GPATCH2: variants seen among roughly 807,000 people sequenced by gnomAD.
GPATCH2 encodes G-patch domain containing 2.
Under a neutral mutation model 58.0 loss-of-function variants are expected in GPATCH2, and 51 were observed. That is an observed-to-expected ratio of 0.88 (90% CI 0.70 to 1.11). The LOEUF is 1.11. Ranked by LOEUF, GPATCH2 falls within the 50% of genes most tolerant of loss-of-function variation. The pLI is 0.00. For synonymous variants in GPATCH2, 222 were observed against 218.5 expected (o/e 1.02, Z -0.14); for missense variants, 625 against 652.2 (o/e 0.96, Z 0.45).
intron 5 of GPATCH2, among the ~76,000 whole-genome samples, chr1:217,536,791 A>G (rs1034340862): frequency 6.6e-6 from 1 of 152,184 alleles, no homozygotes; most frequent in South Asian, 2.1e-4. Context: ...CCTGACCAAC[A>G]TGGTGAAAAC....
rs895023993 is a variant in GPATCH2 at position 217,429,846 on chromosome 1, A to G, written c.*1299T>C. On this transcript the variant is annotated 3_prime_UTR_variant, in exon 10 of 10. Coordinates refer to ENST00000366935, the MANE Select transcript of GPATCH2 (RefSeq NM_018040.5). ...CTGTCAAAAAAAAAAAAAAAAAAAA[A>G]GAAACAAAAAAACTCTTTTGGAAAG... The G allele has an allele frequency of 6.9e-6, 1 of 145,876 alleles. No individual in the cohort carries two copies. 9.0% of individuals were successfully genotyped at this position (145,876 alleles called of 1,614,324 possible). A position where few individuals can be genotyped will look rare whatever the true frequency, so the allele number is the denominator to read the frequency against.
At chr1:217,596,306 T>A (rs1376997054) in intron 5 of GPATCH2, among the ~76,000 whole-genome samples, 1 of 152,164 alleles carries the variant, frequency 6.6e-6, no homozygotes, top group Non-Finnish European at 1.5e-5. Context: ...TTTTAAAAAA[T>A]TAATTGGAAA....
At chr1:217,449,428 G>A (rs185824785) in intron 8 of GPATCH2, 91 bp from the exon 9 acceptor site, 15 of 777,924 alleles carry the variant, frequency 1.9e-5, no homozygotes, top group Middle Eastern at 2.3e-4. Context: ...AAATCAAAAC[G>A]TTCTCAACAA....
At chr1:217,542,275 A>G (rs1002275292) in intron 5 of GPATCH2, among the ~76,000 whole-genome samples, 9 of 152,158 alleles carry the variant, frequency 5.9e-5, no homozygotes, top group African/African-American at 2.2e-4. Context: ...TTCCACAGGA[A>G]AATATCCTTC....
intron 8 of GPATCH2, among the ~76,000 whole-genome samples, chr1:217,460,616 CTGGAGTTGGCACATA>C (rs2102487108): frequency 6.6e-6 from 1 of 152,334 alleles, no homozygotes; most frequent in African/African-American, 2.4e-5. Context: ...CTCAGTATAA[CTGGAGTTGGCACATA>C]TGGAGCAGTG....
intron 5 of GPATCH2, among the ~76,000 whole-genome samples, chr1:217,555,112 T>C (rs1665554999): frequency 6.6e-6 from 1 of 152,204 alleles, no homozygotes; most frequent in South Asian, 2.1e-4. Context: ...ACATTCTCAC[T>C]GTTAATGGAT....
intron 5 of GPATCH2, among the ~76,000 whole-genome samples, chr1:217,586,236 T>C (rs991916776): frequency 2.0e-5 from 3 of 152,246 alleles, no homozygotes; most frequent in African/African-American, 7.2e-5. Context: ...TTTAACTTTA[T>C]CAACCTTTAA....
intron 5 of GPATCH2, among the ~76,000 whole-genome samples, chr1:217,574,563 A>C (rs1666719947): frequency 6.6e-6 from 1 of 152,180 alleles, no homozygotes; most frequent in Non-Finnish European, 1.5e-5. Context: ...TAAAAGGAAT[A>C]ATCATAAACC....
At chr1:217,453,650 G>GAAACA (rs1203504433) in intron 8 of GPATCH2, among the ~76,000 whole-genome samples, 1 of 151,986 alleles carries the variant, frequency 6.6e-6, no homozygotes, top group Admixed American at 6.6e-5. Flanking sequence ...GAAAAAAGTA[G>GAAACA]AAACAAAACA....
Position 217,428,125 on chromosome 1 carries a change from T to C in GPATCH2, c.*3020A>G, listed in dbSNP as rs928394767. On this transcript the variant is annotated 3_prime_UTR_variant, in exon 10 of 10. Transcript: ENST00000366935. ...CAAATGACTCCAGCACACAGTCTGGTCATTATCAAGTATAACAAATTTTTT... is the reference window on the plus strand; with the variant it reads ...CAAATGACTCCAGCACACAGTCTGGCCATTATCAAGTATAACAAATTTTTT... 2.0e-5 allele frequency: 3 copies of C among 152,176 alleles called. No individual in the cohort carries two copies. The highest frequency in any genetic ancestry group is 4.8e-5 in the African/African-American group (2 of 41,450). 9.4% of individuals were successfully genotyped at this position (152,176 alleles called of 1,614,324 possible).
At chr1:217,583,695 C>T (rs750325321) in intron 5 of GPATCH2, among the ~76,000 whole-genome samples, 3 of 148,898 alleles carry the variant, frequency 2.0e-5, no homozygotes, top group African/African-American at 7.4e-5. Flanking sequence ...GGAAGCACAA[C>T]ATAAAAAAAA....
intron 5 of GPATCH2, among the ~76,000 whole-genome samples, chr1:217,540,045 A>G (rs1213271379): frequency 6.6e-6 from 1 of 152,224 alleles, no homozygotes; most frequent in East Asian, 1.9e-4. Flanking sequence ...AAATTTTCCA[A>G]TCTCAGAACT....
intron 1 of GPATCH2, among the ~76,000 whole-genome samples, chr1:217,624,606 T>G (rs11117898): frequency 0.047 from 7,182 of 152,312 alleles, 560 homozygotes; most frequent in East Asian, 0.4. Flanking sequence ...TTTACACTGA[T>G]GCATCAGAAG....
chr1:217,604,315 C>T (rs922858429), intron 5 of GPATCH2, among the ~76,000 whole-genome samples: 1 of 149,638 alleles, frequency 6.7e-6, no homozygotes, highest in African/African-American at 2.5e-5. Context: ...CACACCACTG[C>T]ACTCCAACCT....
intron 9 of GPATCH2, 124 bp from the exon 10 acceptor site, chr1:217,431,489 T>C (rs1658532811): frequency 7.7e-6 from 5 of 646,806 alleles, no homozygotes; most frequent in East Asian, 5.3e-5. Flanking sequence ...CTAGAGGGGG[T>C]TGCGTATTCA....
intron 5 of GPATCH2, chr1:217,610,059 A>G (rs1668549784): frequency 3.4e-6 from 5 of 1,482,372 alleles, no homozygotes; most frequent in Admixed American, 2.7e-5. Context: ...TCTCACTTCA[A>G]TGATATTCCT....
intron 8 of GPATCH2, among the ~76,000 whole-genome samples, chr1:217,464,398 C>T (rs1447692515): frequency 6.6e-6 from 1 of 152,084 alleles, no homozygotes; most frequent in Non-Finnish European, 1.5e-5. Flanking sequence ...GGAAAACCTC[C>T]AAAGCTCTAC....
chr1:217,463,232 A>C (rs1040417810), intron 8 of GPATCH2, among the ~76,000 whole-genome samples: 2 of 152,206 alleles, frequency 1.3e-5, no homozygotes, highest in Non-Finnish European at 2.9e-5. Context: ...AAAATATGAA[A>C]GTGTCATTTA....
Position 217,620,357 on chromosome 1 carries a change from T to C in GPATCH2, c.199A>G (p.Lys67Glu). 6.2e-7 allele frequency: 1 copy of C among 1,614,112 alleles called. No individual in the cohort carries two copies. The highest frequency in any genetic ancestry group is 2.2e-5 in the East Asian group (1 of 44,868). The change falls in exon 2 of 10, where the codon AAA (lysine) becomes GAA (glutamate). Residue 67 changes from lysine (K) to glutamate (E), a missense_variant. Lys to Glu is a moderately conservative substitution (Grantham distance 56, BLOSUM62 1). Coordinates refer to ENST00000366935, the MANE Select transcript of GPATCH2 (RefSeq NM_018040.5). Reference sequence around the variant, plus strand: ...GACCTCCGTTTTCTCCCTCTCCTTTTCCTTGCCTGGCGTTTCAGAGGGCAA... The same window carrying C: ...GACCTCCGTTTTCTCCCTCTCCTTTCCCTTGCCTGGCGTTTCAGAGGGCAA... ...ISCPLKRQAR[K>E]RRGRKRRSYN...
Sources: gnomAD v4.1 joint callset for allele counts (sites outside exome capture counted in the v4.1 genomes callset) on GRCh38, gnomAD v4.1.1 for gene constraint, MANE v1.5 for transcripts, NCBI Gene and HGNC (gene_info 2026-07-23, HGNC 2026-07-21) for gene names.